EIF2B3: variants seen among roughly 807,000 people sequenced by gnomAD.
EIF2B3 encodes eukaryotic translation initiation factor 2B subunit gamma, also known as translation initiation factor eIF2B subunit gamma.
In EIF2B3, 20 loss-of-function variants were observed where a neutral mutation model predicts 54.1. The ratio of observed to expected loss-of-function variants is 0.37; its 90% confidence interval spans 0.26 to 0.54. EIF2B3 has a LOEUF of 0.54. Among genes scored for constraint, EIF2B3 ranks in the 20% least tolerant of loss-of-function variants. EIF2B3 has a pLI of 0.86. For missense variants in EIF2B3, 448 were observed against 547.8 expected (o/e 0.82, Z 1.82); for synonymous variants, 153 against 188.1 (o/e 0.81, Z 1.52).
intron 5 of EIF2B3, among the ~76,000 whole-genome samples, chr1:44,923,822 G>A (rs1198444287): frequency 1.4e-5 from 2 of 146,062 alleles, no homozygotes; most frequent in Non-Finnish European, 3.0e-5. Flanking sequence ...TCATTTTTTT[G>A]AGACAGGGTC....
chr1:44,978,579 G>C, intron 2 of EIF2B3, 119 bp from the exon 3 acceptor site: 1 of 662,190 alleles, frequency 1.5e-6, no homozygotes, highest in Non-Finnish European at 2.2e-6. Flanking sequence ...TAATATTATT[G>C]TGCCTTTTCA....
At chr1:44,948,738 T>C (rs1644130333) in intron 3 of EIF2B3, among the ~76,000 whole-genome samples, 1 of 152,186 alleles carries the variant, frequency 6.6e-6, no homozygotes, top group Admixed American at 6.5e-5. Context: ...TCAACAAGAT[T>C]AAGTTGGAAT....
chr1:44,908,605 G>A (rs1455039926), intron 5 of EIF2B3, among the ~76,000 whole-genome samples: 1 of 152,202 alleles, frequency 6.6e-6, no homozygotes, highest in Non-Finnish European at 1.5e-5. Context: ...AGAGAAAGAT[G>A]AGATATAAGG....
chr1:44,917,381 T>C (rs550693956), intron 5 of EIF2B3, among the ~76,000 whole-genome samples: 121 of 151,444 alleles, frequency 8.0e-4, no homozygotes, highest in African/African-American at 2.9e-3. Flanking sequence ...TAATCCCAGC[T>C]ACTCTGGTGG....
chr1:44,861,650 C>T (rs765054177), intron 10 of EIF2B3, among the ~76,000 whole-genome samples: 3 of 152,166 alleles, frequency 2.0e-5, no homozygotes, highest in Non-Finnish European at 4.4e-5. Flanking sequence ...TCTTCAGGAA[C>T]CTCCCACATT....
chr1:44,858,668 T>TTGG, intron 10 of EIF2B3, among the ~76,000 whole-genome samples: 1 of 152,236 alleles, frequency 6.6e-6, no homozygotes, highest in East Asian at 1.9e-4. Flanking sequence ...TTTCACCATG[T>TTGG]TGGCCAGGAT....
At chr1:44,917,753 CTCTTTTTTTT>C (rs1557684473) in intron 5 of EIF2B3, among the ~76,000 whole-genome samples, 1 of 97,948 alleles carries the variant, frequency 1.0e-5, no homozygotes, top group African/African-American at 3.9e-5. Flanking sequence ...ACCAATAACA[CTCTTTTTTTT>C]TTTTTTTTTT....
intron 6 of EIF2B3, among the ~76,000 whole-genome samples, chr1:44,883,619 C>A (rs1431253002): frequency 6.6e-6 from 1 of 152,172 alleles, no homozygotes; most frequent in African/African-American, 2.4e-5. Context: ...TAGACCCCTG[C>A]CCACCAAACC....
intron 10 of EIF2B3, chr1:44,863,223 G>C (rs531492478): frequency 6.6e-5 from 10 of 152,274 alleles, no homozygotes; most frequent in African/African-American, 2.4e-4. Context: ...ATGTGACTAA[G>C]GTCTGCTCTA....
intron 8 of EIF2B3, among the ~76,000 whole-genome samples, chr1:44,877,292 G>C (rs7546853): frequency 0.15 from 22,632 of 150,350 alleles, 1,820 homozygotes; most frequent in Non-Finnish European, 0.17. Flanking sequence ...CTGTCTGAGT[G>C]AGGGGGAGCA....
At chr1:44,980,984 GT>G in intron 2 of EIF2B3, 36 bp downstream of exon 2, 2 of 1,613,176 alleles carry the variant, frequency 1.2e-6, no homozygotes, top group Non-Finnish European at 1.7e-6. Context: ...TCTCCTAAAA[GT>G]TTTATGAGTT....
At chr1:44,856,759 CTTATTTTAGG>C (rs1229224795) in intron 11 of EIF2B3, among the ~76,000 whole-genome samples, 1 of 152,022 alleles carries the variant, frequency 6.6e-6, no homozygotes, top group African/African-American at 2.4e-5. Context: ...CCCTCCCCAC[CTTATTTTAGG>C]TTTAGGAATA....
intron 8 of EIF2B3, among the ~76,000 whole-genome samples, chr1:44,878,464 T>C (rs1348598200): frequency 1.3e-5 from 2 of 152,136 alleles, no homozygotes; most frequent in South Asian, 2.1e-4. Context: ...GGTTTCACCA[T>C]GTTGGCCAGC....
chr1:44,874,719 A>G lies in EIF2B3; in HGVS notation c.1161T>C (p.Ile387=). 1 of 1,614,162 alleles carries G rather than the reference A, an allele frequency of 6.2e-7. No homozygotes were observed. Among genetic ancestry groups the G allele is most frequent in the Non-Finnish European group, 8.5e-7 (1 of 1,180,012 alleles). ...SSCLIKDRVT[I]TNCLLMNSVT... Reference sequence around the variant, plus strand: ...CTGAGTTCATGAGAAGGCAATTGGTAATAGTCACTCTATCTTTTATGAGAC... The same window carrying G: ...CTGAGTTCATGAGAAGGCAATTGGTGATAGTCACTCTATCTTTTATGAGAC... Residue 387 remains isoleucine, a synonymous_variant, in exon 10 of 12, where the codon ATT becomes ATC. Coordinates refer to ENST00000360403, the MANE Select transcript of EIF2B3 (RefSeq NM_020365.5).
chr1:44,895,932 G>A (rs1655956181), intron 6 of EIF2B3, among the ~76,000 whole-genome samples: 1 of 151,974 alleles, frequency 6.6e-6, no homozygotes, highest in Non-Finnish European at 1.5e-5. Context: ...TTTTTATTTG[G>A]GAGTGAAAAA....
intron 5 of EIF2B3, among the ~76,000 whole-genome samples, chr1:44,914,240 A>C (rs1028900879): frequency 6.7e-6 from 1 of 150,050 alleles, no homozygotes; most frequent in African/African-American, 2.5e-5. Flanking sequence ...GGCTCACTGC[A>C]ACCTCCGCCT....
rs1305478758 is a variant in EIF2B3, at chr1:44,978,217, C to A, written c.294+98G>T. 1.1e-5 allele frequency: 15 copies of A among 1,409,708 alleles called. 1 individual carries two copies. The highest frequency in any genetic ancestry group is 1.4e-5 in the Non-Finnish European group (14 of 1,009,336). The allele number at this position is 1,409,708 out of a possible 1,614,324, so 87.3% of individuals were successfully genotyped here. ...CTGCACTCCGGCCTAGGTGACAGAG[C>A]GAGGTTCTGTCTCAAAAAAAAGACT... On this transcript the variant is annotated intron_variant, in intron 3 of 11. Transcript: ENST00000360403.
At position 44,926,617 on chromosome 1, in the gene EIF2B3, C is replaced by T; in HGVS notation, c.566+11G>A. On this transcript the variant is annotated intron_variant, in intron 5 of 11. Coordinates refer to ENST00000360403, the MANE Select transcript of EIF2B3 (RefSeq NM_020365.5). ...AGGAGAATTGCCAGAAGAAAAAACC[C>T]TAGGGCTTACTTCTGTAGGATGGAT... 6.2e-7 allele frequency: 1 copy of T among 1,608,696 alleles called. No individual in the cohort carries two copies. The highest frequency in any genetic ancestry group is 1.1e-5 in the South Asian group (1 of 90,944).
At chr1:44,914,325 T>A (rs1643577079) in intron 5 of EIF2B3, among the ~76,000 whole-genome samples, 1 of 151,890 alleles carries the variant, frequency 6.6e-6, no homozygotes, top group Non-Finnish European at 1.5e-5. Flanking sequence ...CATGCCTGGG[T>A]AATTTTTTGT....
Sources: gnomAD v4.1 joint callset for allele counts (sites outside exome capture counted in the v4.1 genomes callset) on GRCh38, gnomAD v4.1.1 for gene constraint, MANE v1.5 for transcripts, NCBI Gene and HGNC (gene_info 2026-07-23, HGNC 2026-07-21) for gene names.